Variants in PDE3A observed in about 807,000 individuals in gnomAD.
The protein encoded by PDE3A is phosphodiesterase 3A.
PDE3A carries 43 observed loss-of-function variants against 98.3 expected under a neutral mutation model. The observed-to-expected ratio is 0.44, with a 90% confidence interval of 0.34 to 0.56. PDE3A has a LOEUF of 0.56. Ranked by LOEUF, PDE3A falls within the 20% of genes least tolerant of loss-of-function variation. The pLI is 0.01. For missense variants in PDE3A, 1,427 were observed against 1,440.7 expected, an observed-to-expected ratio of 0.99 and a Z score of 0.15; for synonymous variants, 663 against 567.9, an observed-to-expected ratio of 1.17 and a Z score of -2.38.
At chr12:20,611,260 T>C (rs1038090744) in intron 2 of PDE3A, among the ~76,000 whole-genome samples, 2 of 151,836 alleles carry the variant, frequency 1.3e-5, no homozygotes, top group Non-Finnish European at 3.0e-5. Context: ...GACATATGCA[T>C]GACTATGTAT....
intron 1 of PDE3A, among the ~76,000 whole-genome samples, chr12:20,374,913 A>C (rs1943542445): frequency 6.6e-6 from 1 of 151,926 alleles, no homozygotes; most frequent in Non-Finnish European, 1.5e-5. Flanking sequence ...ACTGTCCTGG[A>C]TGTGTGAAGA....
chr12:20,371,774 A>C (rs1200469856), intron 1 of PDE3A, among the ~76,000 whole-genome samples: 1 of 152,134 alleles, frequency 6.6e-6, no homozygotes, highest in Non-Finnish European at 1.5e-5. Flanking sequence ...AAAATTTGGA[A>C]ATTGTTAAAA....
chr12:20,384,602 T>C (rs1943718075), intron 1 of PDE3A, among the ~76,000 whole-genome samples: 1 of 151,944 alleles, frequency 6.6e-6, no homozygotes, highest in South Asian at 2.1e-4. Context: ...ACATATACTA[T>C]GGTGCTTTGC....
At chr12:20,655,293 G>A (rs1416368707) in intron 15 of PDE3A, among the ~76,000 whole-genome samples, 1 of 152,172 alleles carries the variant, frequency 6.6e-6, no homozygotes, top group Admixed American at 6.5e-5. Flanking sequence ...CCTGCAAGAA[G>A]CAAGGGAGTG....
At chr12:20,542,426 C>T (rs922959855) in intron 1 of PDE3A, among the ~76,000 whole-genome samples, 10 of 138,374 alleles carry the variant, frequency 7.2e-5, no homozygotes, top group East Asian at 2.2e-4. Context: ...TTTTGGTATA[C>T]GTAACAGCAT....
chr12:20,500,033 T>G (rs1945993939), intron 1 of PDE3A, among the ~76,000 whole-genome samples: 1 of 152,216 alleles, frequency 6.6e-6, no homozygotes, highest in African/African-American at 2.4e-5. Context: ...CATACTACAC[T>G]GTATCTCCTT....
intron 1 of PDE3A, among the ~76,000 whole-genome samples, chr12:20,438,031 C>G (rs889527573): frequency 6.6e-6 from 1 of 151,374 alleles, no homozygotes; most frequent in East Asian, 1.9e-4. Flanking sequence ...TTACAATTGT[C>G]TTACAAAGCA....
Position 20,430,908 on chromosome 12 carries a change from A to G in PDE3A, c.960+60664A>G, listed in dbSNP as rs568071298. On this transcript the variant is annotated intron_variant, in intron 1 of 15. Coordinates refer to ENST00000359062, the MANE Select transcript of PDE3A (RefSeq NM_000921.5). ...TTATTGTAAAAGCTTCTTTAAATCC[A>G]TGTTCTTATACAGGGCTATAGATAT... Among the ~76,000 whole-genome samples, 519 of 152,260 alleles carry G rather than the reference A, an allele frequency of 3.4e-3. 1 individual carries two copies. The highest frequency in any genetic ancestry group is 5.1e-3 in the Non-Finnish European group (345 of 68,008).
rs79827329 is a variant in PDE3A, at chr12:20,654,423, G to A, written c.3184+218G>A. Among the ~76,000 whole-genome samples, 7,235 of 152,118 alleles carry A rather than the reference G, an allele frequency of 0.048. 310 individuals are homozygous for A. Among genetic ancestry groups the A allele is most frequent in the African/African-American group, 0.11 (4,530 of 41,496 alleles). ...CATATGATACAAAGATATCTTCTCCGTCATGAAGTCATGAAGTTAGAAAAA... is the reference window on the plus strand; with the variant it reads ...CATATGATACAAAGATATCTTCTCCATCATGAAGTCATGAAGTTAGAAAAA... On this transcript the variant is annotated intron_variant, in intron 15 of 15. Coordinates refer to ENST00000359062, the MANE Select transcript of PDE3A (RefSeq NM_000921.5).
intron 1 of PDE3A, among the ~76,000 whole-genome samples, chr12:20,540,379 G>T (rs1261115271): frequency 6.6e-6 from 1 of 152,044 alleles, no homozygotes; most frequent in South Asian, 2.1e-4. Flanking sequence ...CTCAAGCGGA[G>T]AATTCCAGTT....
intron 2 of PDE3A, among the ~76,000 whole-genome samples, chr12:20,603,253 C>T (rs1468173659): frequency 2.0e-5 from 3 of 151,982 alleles, no homozygotes; most frequent in African/African-American, 4.8e-5. Flanking sequence ...AATATTCCTC[C>T]CATGCTGTGT....
Position 20,558,126 on chromosome 12 carries a change from T to C in PDE3A, c.1011+1416T>C, listed in dbSNP as rs11045307. On this transcript the variant is annotated intron_variant, in intron 2 of 15. Transcript: ENST00000359062. ...AGAAAATTATTGTTTAAGATATACATCATTTACTCTCTATTTTGCTTACTT... is the reference window on the plus strand; with the variant it reads ...AGAAAATTATTGTTTAAGATATACACCATTTACTCTCTATTTTGCTTACTT... 1.6e-3 allele frequency among the ~76,000 whole-genome samples: 242 copies of C among 152,040 alleles called. 3 individuals are homozygous for C. Among genetic ancestry groups the C allele is most frequent in the African/African-American group, 5.5e-3 (229 of 41,516 alleles).
intron 1 of PDE3A, among the ~76,000 whole-genome samples, chr12:20,472,499 T>C (rs1945456019): frequency 6.6e-6 from 1 of 152,146 alleles, no homozygotes; most frequent in Non-Finnish European, 1.5e-5. Flanking sequence ...GTGCAACTAT[T>C]TAGTTGGATG....
In PDE3A at chr12:20,473,296, A is replaced by G. The variant is rs142016500; in HGVS notation, c.961-83364A>G. Among the ~76,000 whole-genome samples, 1,163 of 152,260 alleles carry G rather than the reference A, an allele frequency of 7.6e-3. 6 individuals are homozygous for G. The highest frequency in any genetic ancestry group is 0.012 in the Non-Finnish European group (819 of 67,990). Reference sequence around the variant, plus strand: ...AACTTACAGTCCCTTGTCGAGTCATATTTGAATGTATGTTGACAAGACCTA... The same window carrying G: ...AACTTACAGTCCCTTGTCGAGTCATGTTTGAATGTATGTTGACAAGACCTA... On this transcript the variant is annotated intron_variant, in intron 1 of 15. Transcript: ENST00000359062.
At chr12:20,471,380 T>G (rs1035598450) in intron 1 of PDE3A, among the ~76,000 whole-genome samples, 5 of 152,160 alleles carry the variant, frequency 3.3e-5, no homozygotes, top group Admixed American at 1.3e-4. Flanking sequence ...CAGGTACTGG[T>G]GTTTTTTAAA....
intron 1 of PDE3A, among the ~76,000 whole-genome samples, chr12:20,403,873 T>C (rs1944179278): frequency 6.6e-6 from 1 of 152,132 alleles, no homozygotes; most frequent in African/African-American, 2.4e-5. Context: ...TAGATACATA[T>C]ATATATGTAT....
chr12:20,612,556 A>G (rs1337933853), intron 2 of PDE3A, among the ~76,000 whole-genome samples: 1 of 148,790 alleles, frequency 6.7e-6, no homozygotes, highest in African/African-American at 2.4e-5. Context: ...TTAATCGTAC[A>G]ACTTTATACT....
intron 1 of PDE3A, among the ~76,000 whole-genome samples, chr12:20,427,945 C>G (rs993749352): frequency 6.6e-6 from 1 of 151,968 alleles, no homozygotes; most frequent in Non-Finnish European, 1.5e-5. Context: ...GTGGCTCATT[C>G]CTGTAATCCC....
chr12:20,370,378 G>A, intron 1 of PDE3A, 134 bp downstream of exon 1: 2 of 534,516 alleles, frequency 3.7e-6, no homozygotes, highest in Non-Finnish European at 2.9e-6. Flanking sequence ...TCAGAATTAA[G>A]AAACTAGCAG....
Sources: gnomAD v4.1 joint callset for allele counts (sites outside exome capture counted in the v4.1 genomes callset) on GRCh38, gnomAD v4.1.1 for gene constraint, MANE v1.5 for transcripts, NCBI Gene and HGNC (gene_info 2026-07-23, HGNC 2026-07-21) for gene names.